The following COL25A1 variants were observed in gnomAD, a reference collection of about 807,000 sequenced individuals.
COL25A1 encodes collagen type XXV alpha 1 chain.
Under a neutral mutation model 128.4 loss-of-function variants are expected in COL25A1, and 103 were observed. The observed-to-expected ratio is 0.80, with a 90% CI of 0.68 to 0.94. The LOEUF is 0.94. Among genes scored for constraint, COL25A1 ranks in the 40% least tolerant of loss-of-function variants. The pLI is 0.00. For missense variants in COL25A1, 745 were observed against 840.0 expected (o/e 0.89, Z 1.40); for synonymous variants, 279 against 277.2 (o/e 1.01, Z -0.06).
intron 12 of COL25A1, 127 bp downstream of exon 12, chr4:108,920,448 AAAG>A: frequency 1.8e-6 from 1 of 543,554 alleles, no homozygotes; most frequent in Non-Finnish European, 3.2e-6. Flanking sequence ...ATATTTTTAG[AAAG>A]CAGAATACAC....
At chr4:108,911,755 A>G (rs1054040781) in intron 13 of COL25A1, among the ~76,000 whole-genome samples, 1 of 150,016 alleles carries the variant, frequency 6.7e-6, no homozygotes, top group Non-Finnish European at 1.5e-5. Context: ...AATAGAAAAT[A>G]GTGGATTTCA....
rs1423934927 is a variant in COL25A1 at position 108,941,050 on chromosome 4, G to T, written c.564+316C>A. ...GTTTACTTTAAATTAAGCATATGAG[G>T]CTCCCATCATATTGCCTAATAATTT... On this transcript the variant is annotated intron_variant, in intron 9 of 37. Transcript: ENST00000399132. 1.3e-5 allele frequency among the ~76,000 whole-genome samples: 2 copies of T among 152,122 alleles called. 1 individual carries two copies. The highest frequency in any genetic ancestry group is 4.1e-4 in the South Asian group (2 of 4,820).
At chr4:109,067,113 A>T (rs1762513869) in intron 3 of COL25A1, among the ~76,000 whole-genome samples, 1 of 152,182 alleles carries the variant, frequency 6.6e-6, no homozygotes, top group Non-Finnish European at 1.5e-5. Context: ...TGGCTTTCAC[A>T]TAGGAAGATA....
At chr4:108,935,031 G>A (rs1292089142) in intron 11 of COL25A1, among the ~76,000 whole-genome samples, 8 of 152,184 alleles carry the variant, frequency 5.3e-5, no homozygotes, top group Admixed American at 4.6e-4. Context: ...GAGAAATTGA[G>A]AGGTTAAGTG....
intron 3 of COL25A1, among the ~76,000 whole-genome samples, chr4:109,055,545 ACACAACCAGC>A (rs1449704270): frequency 1.3e-5 from 2 of 152,208 alleles, no homozygotes; most frequent in Non-Finnish European, 2.9e-5. Context: ...CATTCCACAG[ACACAACCAGC>A]CACAACCAGT....
At chr4:108,924,434 A>T (rs990640472) in intron 11 of COL25A1, among the ~76,000 whole-genome samples, 1 of 152,186 alleles carries the variant, frequency 6.6e-6, no homozygotes, top group East Asian at 1.9e-4. Context: ...ATGGTGAGAA[A>T]GTAAGTTAAA....
At chr4:108,920,856 T>C (rs1466329643) in intron 11 of COL25A1, 8 of 349,112 alleles carry the variant, frequency 2.3e-5, no homozygotes, top group Non-Finnish European at 3.6e-5. Context: ...AAATAATCTT[T>C]GCTGTTCCAG....
intron 5 of COL25A1, among the ~76,000 whole-genome samples, chr4:109,025,336 T>C (rs1289939069): frequency 3.3e-5 from 5 of 152,322 alleles, no homozygotes; most frequent in Middle Eastern, 3.4e-3. Context: ...TTTATTACAC[T>C]GTATATATTG....
At chr4:108,901,655 A>T (rs1742870006) in intron 13 of COL25A1, among the ~76,000 whole-genome samples, 1 of 152,150 alleles carries the variant, frequency 6.6e-6, no homozygotes, top group Admixed American at 6.6e-5. Flanking sequence ...ATTCATTTAG[A>T]CACATTTGAC....
intron 3 of COL25A1, among the ~76,000 whole-genome samples, chr4:109,221,549 G>A (rs1302822419): frequency 1.3e-5 from 2 of 152,134 alleles, no homozygotes; most frequent in East Asian, 1.9e-4. Context: ...CATAAAACAT[G>A]TATGCATATC....
intron 34 of COL25A1, 38 bp from the exon 35 acceptor site, chr4:108,824,265 G>A (rs2125714072): frequency 7.2e-7 from 1 of 1,382,534 alleles, no homozygotes; most frequent in East Asian, 2.3e-5. Context: ...ATCTATTGGT[G>A]TAATAGTGGC....
At chr4:108,872,640 T>C (rs530758226) in intron 19 of COL25A1, among the ~76,000 whole-genome samples, 9 of 152,148 alleles carry the variant, frequency 5.9e-5, no homozygotes, top group South Asian at 2.1e-4. Flanking sequence ...GAAGCAGATA[T>C]GAGAATCCAG....
chr4:109,120,585 G>T lies in COL25A1; in HGVS notation c.368-70406C>A, dbSNP rs576600600. 7.5e-4 allele frequency among the ~76,000 whole-genome samples: 114 copies of T among 152,176 alleles called. 4 individuals are homozygous for T. In the South Asian group the frequency reaches 0.022, roughly 30 times the overall value. On this transcript the variant is annotated intron_variant, in intron 3 of 37. Transcript: ENST00000399132. ...GCATTTTGGGAGGCCAAGGCTAGTGGATTGCTTGAGCCCAGGAGTTTGAGA... is the reference window on the plus strand; with the variant it reads ...GCATTTTGGGAGGCCAAGGCTAGTGTATTGCTTGAGCCCAGGAGTTTGAGA...
At chr4:109,182,041 T>C (rs1008264486) in intron 3 of COL25A1, among the ~76,000 whole-genome samples, 3 of 152,118 alleles carry the variant, frequency 2.0e-5, no homozygotes, top group Non-Finnish European at 4.4e-5. Context: ...CTCCTTTTTA[T>C]AGGCTGAATA....
intron 3 of COL25A1, among the ~76,000 whole-genome samples, chr4:109,069,306 G>A (rs2125980236): frequency 6.6e-6 from 1 of 151,500 alleles, no homozygotes; most frequent in African/African-American, 2.4e-5. Flanking sequence ...CGACCTCCCT[G>A]GCTCAATCAA....
At chr4:109,282,297 G>A (rs1230223362) in intron 3 of COL25A1, among the ~76,000 whole-genome samples, 2 of 152,114 alleles carry the variant, frequency 1.3e-5, no homozygotes, top group Non-Finnish European at 2.9e-5. Flanking sequence ...GAAAGTTCCT[G>A]CAAAACCTTC....
intron 26 of COL25A1, among the ~76,000 whole-genome samples, chr4:108,849,045 A>C (rs573697005): frequency 6.6e-5 from 10 of 152,226 alleles, no homozygotes; most frequent in African/African-American, 2.2e-4. Flanking sequence ...TTTTTTCTCC[A>C]TGTGAGATGC....
chr4:109,085,674 A>G (rs1014954194), intron 3 of COL25A1, among the ~76,000 whole-genome samples: 3 of 152,184 alleles, frequency 2.0e-5, no homozygotes, highest in Non-Finnish European at 2.9e-5. Flanking sequence ...AATATCTACC[A>G]TATCTACCAC....
chr4:109,171,010 C>A (rs1182919166), intron 3 of COL25A1, among the ~76,000 whole-genome samples: 1 of 152,112 alleles, frequency 6.6e-6, no homozygotes, highest in Non-Finnish European at 1.5e-5. Context: ...ATCTTTTTCA[C>A]TTCTATATCC....
Sources: allele counts gnomAD v4.1 joint callset (sites outside exome capture counted in the v4.1 genomes callset), GRCh38; gene constraint gnomAD v4.1.1; transcripts MANE v1.5; gene names NCBI Gene and HGNC (gene_info 2026-07-23, HGNC 2026-07-21).